Variants in LGALS9 observed in about 807,000 individuals in gnomAD.
LGALS9 encodes galectin-9.
In LGALS9, 26 loss-of-function variants were observed where a neutral mutation model predicts 35.9. That is an observed-to-expected ratio of 0.72 (90% CI 0.53 to 1.01). LGALS9 has a LOEUF of 1.01. LGALS9 is among the 50% of genes least tolerant of loss of function. LGALS9 has a pLI of 0.00. For missense variants in LGALS9, 347 were observed against 445.8 expected, an observed-to-expected ratio of 0.78 and a Z score of 1.99; for synonymous variants, 149 against 172.2, an observed-to-expected ratio of 0.87 and a Z score of 1.06.
At chr17:27,632,006 G>A (rs2074398270) in intron 1 of LGALS9, among the ~76,000 whole-genome samples, 1 of 151,980 alleles carries the variant, frequency 6.6e-6, no homozygotes, top group Non-Finnish European at 1.5e-5. Flanking sequence ...TGCAGCGTGG[G>A]GTCAGAGGGC....
chr17:27,643,524 G>A lies in LGALS9; in HGVS notation c.445-1G>A. ...CTGCCCGGTGCCTTTTGTTTTAACA[G>A]AACCCCCGCACAGTCCCTGTTCAGC... On this transcript the variant is annotated splice_acceptor_variant, in intron 4 of 10. Coordinates refer to ENST00000395473, the MANE Select transcript of LGALS9 (RefSeq NM_009587.3). LOFTEE classifies it high-confidence loss of function. 6.2e-7 allele frequency: 1 copy of A among 1,611,718 alleles called. No individual in the cohort carries two copies. The highest frequency in any genetic ancestry group is 2.2e-5 in the East Asian group (1 of 44,874).
At chr17:27,643,641 C>G (rs753799482) in intron 5 of LGALS9, 21 bp downstream of exon 5, 53 of 1,592,552 alleles carry the variant, frequency 3.3e-5, no homozygotes, top group Non-Finnish European at 4.1e-5. Flanking sequence ...CACAGAGGCC[C>G]TGGGTGGCCG....
intron 1 of LGALS9, among the ~76,000 whole-genome samples, chr17:27,637,406 G>C (rs1369231369): frequency 6.6e-6 from 1 of 152,228 alleles, no homozygotes; most frequent in African/African-American, 2.4e-5. Flanking sequence ...CTCAGGTCAT[G>C]AGCAGCAGAG....
In LGALS9 at chr17:27,639,611, C is replaced by G. The variant is rs184085437; in HGVS notation, c.132-961C>G. Among the ~76,000 whole-genome samples, 52 of 152,032 alleles carry G rather than the reference C, an allele frequency of 3.4e-4. 1 individual carries two copies. Among genetic ancestry groups the G allele is most frequent in the Admixed American group, 2.8e-3 (43 of 15,276 alleles). On this transcript the variant is annotated intron_variant, in intron 2 of 10. Coordinates refer to ENST00000395473, the MANE Select transcript of LGALS9 (RefSeq NM_009587.3). ...TTTTGAGACAGGGACTTTCTTTCAC[C>G]CAGCCTGGAGTTCAGTGGTATGATC...
chr17:27,643,857 G>A (rs1482337803), intron 5 of LGALS9, among the ~76,000 whole-genome samples: 2 of 152,148 alleles, frequency 1.3e-5, no homozygotes, highest in Non-Finnish European at 2.9e-5. Flanking sequence ...CCCTCCTGAA[G>A]CCACCGATGT....
At chr17:27,640,002 C>T (rs1483708087) in intron 2 of LGALS9, among the ~76,000 whole-genome samples, 3 of 152,082 alleles carry the variant, frequency 2.0e-5, no homozygotes, top group Admixed American at 1.3e-4. Context: ...TCCCAAAGTG[C>T]TGGGATTACA....
At chr17:27,636,398 C>A (rs1252305580) in intron 1 of LGALS9, among the ~76,000 whole-genome samples, 1 of 152,228 alleles carries the variant, frequency 6.6e-6, no homozygotes, top group Non-Finnish European at 1.5e-5. Flanking sequence ...TCCTTCCCAC[C>A]CTCAGATATG....
At chr17:27,647,213 GA>G in intron 9 of LGALS9, 56 bp from the exon 10 acceptor site, 1 of 1,613,560 alleles carries the variant, frequency 6.2e-7, no homozygotes. Flanking sequence ...TGATGATGGG[GA>G]GGAAATGGGA....
Position 27,640,559 on chromosome 17 carries a change from T to A in LGALS9, c.132-13T>A, listed in dbSNP as rs1352278199. On this transcript the variant is annotated splice_polypyrimidine_tract_variant and intron_variant, in intron 2 of 10. Transcript: ENST00000395473. ...CCATGCCACAGAAGACTATTTGCTT[T>A]CCCTGGGCCTAGGTTTGCTGTGAAC... 3 of 1,613,906 alleles carry A rather than the reference T, an allele frequency of 1.9e-6. No homozygotes were observed. The African/African-American group carries it at 4.0e-5, about 22-fold the overall frequency.
At chr17:27,647,540 G>C (rs1447579623) in intron 10 of LGALS9, 108 bp downstream of exon 10, 2 of 1,448,624 alleles carry the variant, frequency 1.4e-6, no homozygotes, top group Non-Finnish European at 1.9e-6. Flanking sequence ...ATTCCTCTGG[G>C]ATGAAGGCCC....
At position 27,641,718 on chromosome 17, in the gene LGALS9, A is replaced by C. The variant is rs553106235; in HGVS notation, c.334-520A>C. Among the ~76,000 whole-genome samples the C allele has an allele frequency of 1.6e-4, 24 of 152,256 alleles. 2 individuals carry two copies. The East Asian group carries it at 4.6e-3, about 29-fold the overall frequency. On this transcript the variant is annotated intron_variant, in intron 3 of 10. Coordinates refer to ENST00000395473, the MANE Select transcript of LGALS9 (RefSeq NM_009587.3). The stretch of plus-strand genomic sequence containing the variant: ...GATGGAAATGGCAGATCACGCCTAT[A>C]ATCTCAGCACTTTGGGAGGCTGAGG...
intron 1 of LGALS9, among the ~76,000 whole-genome samples, chr17:27,636,554 C>A (rs2074453509): frequency 6.6e-6 from 1 of 152,108 alleles, no homozygotes; most frequent in Admixed American, 6.5e-5. Flanking sequence ...ACTGCAGCCT[C>A]CACCTCCCAG....
intron 10 of LGALS9, 132 bp downstream of exon 10, chr17:27,647,564 G>A: frequency 2.3e-6 from 3 of 1,282,612 alleles, no homozygotes; most frequent in South Asian, 1.5e-5. Context: ...AGAAGAGAAG[G>A]TGGCCAACAA....
chr17:27,646,616 G>A (rs1654614091), intron 8 of LGALS9, 28 bp downstream of exon 8: 1 of 1,613,100 alleles, frequency 6.2e-7, no homozygotes, highest in Non-Finnish European at 8.5e-7. Flanking sequence ...GAGGGCAGAG[G>A]TTCTGTTTGT....
chr17:27,636,504 T>G (rs185514674), intron 1 of LGALS9, among the ~76,000 whole-genome samples: 1 of 152,258 alleles, frequency 6.6e-6, no homozygotes, highest in Non-Finnish European at 1.5e-5. Context: ...GGATTTCACT[T>G]TGTTGCCCAG....
chr17:27,640,419 G>A, intron 2 of LGALS9, 153 bp from the exon 3 acceptor site: 1 of 1,180,024 alleles, frequency 8.5e-7, no homozygotes, highest in Non-Finnish European at 1.2e-6. Flanking sequence ...ATCCCAATTA[G>A]AAAAACAAAA....
intron 1 of LGALS9, among the ~76,000 whole-genome samples, chr17:27,631,924 T>C (rs576586727): frequency 6.6e-6 from 1 of 151,952 alleles, no homozygotes; most frequent in Admixed American, 6.6e-5. Flanking sequence ...GCTCTGAAGG[T>C]TGGGCATGGG....
chr17:27,640,828 G>A, intron 3 of LGALS9, 55 bp downstream of exon 3: 1 of 1,606,892 alleles, frequency 6.2e-7, no homozygotes, highest in Non-Finnish European at 8.5e-7. Context: ...GCCCTATCAG[G>A]TGAATGGCCT....
intron 1 of LGALS9, 43 bp downstream of exon 1, chr17:27,631,347 G>A (rs777809813): frequency 6.2e-7 from 1 of 1,613,210 alleles, no homozygotes; most frequent in Admixed American, 1.7e-5. Context: ...TCAGCCAGAG[G>A]GACACAGCTC....
Sources: gnomAD v4.1 joint callset for allele counts (sites outside exome capture counted in the v4.1 genomes callset) on GRCh38, gnomAD v4.1.1 for gene constraint, MANE v1.5 for transcripts, NCBI Gene and HGNC (gene_info 2026-07-23, HGNC 2026-07-21) for gene names.